The following RHBDF2 variants were observed in gnomAD, a reference collection of about 807,000 sequenced individuals.
RHBDF2 encodes inactive rhomboid protein 2.
In RHBDF2, 38 loss-of-function variants were observed where a neutral mutation model predicts 95.2. The observed-to-expected ratio is 0.40, with a 90% CI of 0.31 to 0.52. The LOEUF is 0.52. Among genes scored for constraint, RHBDF2 ranks in the 20% least tolerant of loss-of-function variants. The pLI, the probability that RHBDF2 is intolerant of heterozygous loss-of-function variation, is 0.56. For missense variants in RHBDF2, 863 were observed against 1,137.7 expected (o/e 0.76, Z 3.47); for synonymous variants, 442 against 462.0 (o/e 0.96, Z 0.55).
intron 2 of RHBDF2, among the ~76,000 whole-genome samples, chr17:76,483,799 T>C (rs2074041406): frequency 6.6e-6 from 1 of 152,196 alleles, no homozygotes; most frequent in Admixed American, 6.5e-5. Context: ...GAAGAGTAAG[T>C]ACATCCCAAA....
chr17:76,477,276 TC>T lies in RHBDF2; in HGVS notation c.823del (p.Asp275MetfsTer33), dbSNP rs1567876390. 1 of 1,611,660 alleles carries T rather than the reference TC, an allele frequency of 6.2e-7. No individual in the cohort carries two copies. ...GAGTGGGGGGGACTCAAAGACATCATCAGGCATGGAGCTCATTTCTTCCTGG... is the reference window on the plus strand; with the variant it reads ...GAGTGGGGGGGACTCAAAGACATCATAGGCATGGAGCTCATTTCTTCCTGG... ...FSKEEMSSMP[D>X]DVFESPPLSA... On this transcript the variant is annotated frameshift_variant, in exon 8 of 19. Coordinates refer to ENST00000675367, the MANE Select transcript of RHBDF2 (RefSeq NM_001005498.4). LOFTEE classifies it high-confidence loss of function.
chr17:76,473,324 A>G lies in RHBDF2; in HGVS notation c.1737T>C (p.Cys579=). Residue 579 remains cysteine (C), a synonymous_variant, in exon 16 of 19, where the codon TGT becomes TGC. Coordinates refer to ENST00000675367, the MANE Select transcript of RHBDF2 (RefSeq NM_001005498.4). ...CACAGTATTCCCGGGTGGTGATCTC[A>G]CAGCTAAGGGGGTGGTGAGGCAAGA... ...RPCCIGTKGS[C]EITTREYCEF... The G allele has an allele frequency of 6.4e-7, 1 of 1,560,766 alleles. No individual in the cohort carries two copies. The highest frequency in any genetic ancestry group is 8.8e-7 in the Non-Finnish European group (1 of 1,134,070).
chr17:76,480,677 T>A (rs11650610), intron 3 of RHBDF2, among the ~76,000 whole-genome samples: 3 of 152,156 alleles, frequency 2.0e-5, no homozygotes, highest in South Asian at 2.1e-4. Flanking sequence ...TGAGGCGACC[T>A]CGCCCAGCCT....
At chr17:76,494,913 C>A (rs146218351) in intron 1 of RHBDF2, among the ~76,000 whole-genome samples, 2 of 152,170 alleles carry the variant, frequency 1.3e-5, no homozygotes, top group African/African-American at 4.8e-5. Context: ...GAAGGGGGCA[C>A]GCACAGCAGC....
intron 1 of RHBDF2, among the ~76,000 whole-genome samples, chr17:76,499,152 AAAAAC>A (rs2074512689): frequency 6.6e-6 from 1 of 152,198 alleles, no homozygotes; most frequent in Non-Finnish European, 1.5e-5. Context: ...AAACAAAAAC[AAAAAC>A]AAAACAAAAC....
At chr17:76,482,258 C>A (rs2144226753) in intron 2 of RHBDF2, among the ~76,000 whole-genome samples, 1 of 152,252 alleles carries the variant, frequency 6.6e-6, no homozygotes, top group Non-Finnish European at 1.5e-5. Flanking sequence ...CTTGGGGAGG[C>A]CGAGGTGGGC....
chr17:76,500,007 G>A (rs1281396617), intron 1 of RHBDF2, among the ~76,000 whole-genome samples: 1 of 152,116 alleles, frequency 6.6e-6, no homozygotes, highest in Non-Finnish European at 1.5e-5. Flanking sequence ...AGACTCTTGT[G>A]AGGGGAATAA....
At chr17:76,481,973 A>G (rs1409129009) in intron 2 of RHBDF2, 1 of 100,394 alleles carries the variant, frequency 1.0e-5, no homozygotes, top group Non-Finnish European at 2.4e-5. Flanking sequence ...ACACACACAC[A>G]CACACACACA....
chr17:76,473,677 G>A lies in RHBDF2; in HGVS notation c.1704C>T (p.Gly568=). The change falls in exon 15 of 19, where the codon GGC becomes GGT. Residue 568 remains glycine, a synonymous_variant. Transcript: ENST00000675367. ...GFLHMDCEIK[G]RPCCIGTKGS... ...CCTTGGTGCCGATGCAGCAGGGGCG[G>A]CCCTTGATCTCGCAGTCCATGTGCA... 1.2e-6 allele frequency: 2 copies of A among 1,611,104 alleles called. No homozygotes were observed. The highest frequency in any genetic ancestry group is 1.7e-6 in the Non-Finnish European group (2 of 1,179,004).
intron 2 of RHBDF2, 171 bp from the exon 3 acceptor site, chr17:76,481,716 A>G: frequency 2.0e-6 from 1 of 507,146 alleles, no homozygotes; most frequent in South Asian, 2.7e-5. Context: ...GCACTTTGGG[A>G]GGCCGAGGTG....
intron 1 of RHBDF2, among the ~76,000 whole-genome samples, chr17:76,492,009 C>T (rs1005976886): frequency 9.9e-5 from 15 of 152,230 alleles, no homozygotes; most frequent in Admixed American, 8.5e-4. Context: ...CTCTAAGACC[C>T]CCAGGCCCGC....
Position 76,472,992 on chromosome 17 carries a change from AGGAGCCTCT to A in RHBDF2, c.1910+4_1910+12del. Reference sequence around the variant, plus strand: ...ACAGGGGTCGGGTTCGGGGGCAGTGAGGAGCCTCTTACCCAGCATGTAGGAAGAGAGACA... The same window carrying A: ...ACAGGGGTCGGGTTCGGGGGCAGTGATACCCAGCATGTAGGAAGAGAGACA... On this transcript the variant is annotated splice_donor_5th_base_variant and intron_variant, in intron 17 of 18. Coordinates refer to ENST00000675367, the MANE Select transcript of RHBDF2 (RefSeq NM_001005498.4). 1 of 1,612,004 alleles carries A rather than the reference AGGAGCCTCT, an allele frequency of 6.2e-7. No homozygotes were observed. Among genetic ancestry groups the A allele is most frequent in the Non-Finnish European group, 8.5e-7 (1 of 1,178,114 alleles).
At chr17:76,480,225 G>A (rs1490202303) in intron 3 of RHBDF2, among the ~76,000 whole-genome samples, 1 of 151,084 alleles carries the variant, frequency 6.6e-6, no homozygotes, top group East Asian at 1.9e-4. Flanking sequence ...TGGGACTATA[G>A]GCATGTGCCA....
intron 16 of RHBDF2, 64 bp downstream of exon 16, chr17:76,473,188 G>A (rs890592850): frequency 4.4e-6 from 7 of 1,585,508 alleles, no homozygotes; most frequent in East Asian, 2.2e-5. Context: ...CGTGAGCCCC[G>A]GCCCCAGCAG....
At chr17:76,495,008 A>C (rs1315608256) in intron 1 of RHBDF2, among the ~76,000 whole-genome samples, 1 of 151,122 alleles carries the variant, frequency 6.6e-6, no homozygotes, top group Non-Finnish European at 1.5e-5. Context: ...GGCCCTGTCC[A>C]TTTGGGGTCA....
At chr17:76,477,047 G>C in intron 8 of RHBDF2, 23 bp from the exon 9 acceptor site, 2 of 1,612,044 alleles carry the variant, frequency 1.2e-6, no homozygotes, top group Non-Finnish European at 1.7e-6. Context: ...GTGGCTTTCA[G>C]CCTGAATCCC....
At position 76,473,711 on chromosome 17, in the gene RHBDF2, G is replaced by A. The variant is rs775082312; in HGVS notation, c.1670C>T (p.Thr557Ile). 1 of 1,612,500 alleles carries A rather than the reference G, an allele frequency of 6.2e-7. No homozygotes were observed. The highest frequency in any genetic ancestry group is 1.1e-5 in the South Asian group (1 of 90,732). The change falls in exon 15 of 19, where the codon ACA (threonine) becomes ATA (isoleucine). Residue 557 changes from threonine to isoleucine, a missense_variant. Transcript: ENST00000675367. ...ICTEQARSNH[T>I]GFLHMDCEIK... ...CTCGCAGTCCATGTGCAGGAAGCCT[G>A]TGTGGTTGCTCCTGGCCTGCTCTGT...
intron 1 of RHBDF2, among the ~76,000 whole-genome samples, chr17:76,490,856 G>A (rs1567889421): frequency 6.6e-6 from 1 of 152,186 alleles, no homozygotes; most frequent in Non-Finnish European, 1.5e-5. Flanking sequence ...CACCTCCAGA[G>A]AGAATCAACC....
chr17:76,483,348 C>T (rs142826812), intron 2 of RHBDF2, among the ~76,000 whole-genome samples: 2,109 of 148,162 alleles, frequency 0.014, 61 homozygotes, highest in African/African-American at 0.05. Flanking sequence ...TGCAGTGGCG[C>T]GATCTCGGCT....
Sources: allele counts gnomAD v4.1 joint callset (sites outside exome capture counted in the v4.1 genomes callset), GRCh38; gene constraint gnomAD v4.1.1; transcripts MANE v1.5; gene names NCBI Gene and HGNC (gene_info 2026-07-23, HGNC 2026-07-21).